Variants in UGP2 observed in about 807,000 individuals in gnomAD.
UGP2 encodes the protein UDP-glucose pyrophosphorylase 2.
A neutral mutation model predicts 49.0 loss-of-function variants in UGP2; 40 were observed. The ratio of observed to expected loss-of-function variants is 0.82; its 90% CI spans 0.63 to 1.06. The LOEUF (loss-of-function observed/expected upper bound fraction) is 1.06. UGP2 is among the 50% of genes least tolerant of loss of function. The pLI is 0.00. For missense variants in UGP2, 460 were observed against 603.5 expected (o/e 0.76, Z 2.49); for synonymous variants, 225 against 213.0 (o/e 1.06, Z -0.49).
rs1672153175 is a variant in UGP2, at chr2:63,891,414, T to C, written c.*187T>C. On this transcript the variant is annotated 3_prime_UTR_variant, in exon 10 of 10. Transcript: ENST00000337130. ...ACAGATGGAGCAATACTTTCCTTCT[T>C]TGAAGAGAATCCCAAAAGTTAGTTC... 4 of 405,988 alleles carry C rather than the reference T, an allele frequency of 9.9e-6. No homozygotes were observed. Among genetic ancestry groups the C allele is most frequent in the Non-Finnish European group, 1.7e-5 (4 of 232,898 alleles). The allele number at this position is 405,988 out of a possible 1,614,324, so 25.1% of individuals were successfully genotyped here.
At chr2:63,870,520 A>G (rs1670479283) in intron 3 of UGP2, among the ~76,000 whole-genome samples, 1 of 152,210 alleles carries the variant, frequency 6.6e-6, no homozygotes, top group Non-Finnish European at 1.5e-5. Flanking sequence ...ACGTCTATTG[A>G]TCCAGTATTT....
intron 3 of UGP2, among the ~76,000 whole-genome samples, chr2:63,876,959 T>C (rs1670945807): frequency 1.3e-5 from 2 of 152,270 alleles, no homozygotes; most frequent in Admixed American, 6.5e-5. Context: ...ATATTTAGTA[T>C]ACCTTTTGGC....
chr2:63,842,016 TC>T lies in UGP2; in HGVS notation c.-169del. On this transcript the variant is annotated 5_prime_UTR_variant, in exon 1 of 10. Coordinates refer to ENST00000337130, the MANE Select transcript of UGP2 (RefSeq NM_006759.4). ...GAGTTTCTTTCTTTCTTTTCTTTTTTCTTGAGCCAGTTTTAATCGCTTTGAA... is the reference window on the plus strand; with the variant it reads ...GAGTTTCTTTCTTTCTTTTCTTTTTTTTGAGCCAGTTTTAATCGCTTTGAA... The T allele has an allele frequency of 1.3e-6, 1 of 742,200 alleles. No individual in the cohort carries two copies. The highest frequency in any genetic ancestry group is 1.9e-6 in the Non-Finnish European group (1 of 514,762). 46.0% of individuals were successfully genotyped at this position (742,200 alleles called of 1,614,324 possible).
intron 1 of UGP2, among the ~76,000 whole-genome samples, chr2:63,853,740 CA>C (rs1424324502): frequency 6.6e-6 from 1 of 152,114 alleles, no homozygotes; most frequent in African/African-American, 2.4e-5. Flanking sequence ...AATTAAGAAA[CA>C]AAAATATTCA....
chr2:63,890,276 C>CAAGA, intron 9 of UGP2, 91 bp downstream of exon 9: 1 of 930,306 alleles, frequency 1.1e-6, no homozygotes, highest in East Asian at 2.7e-5. Context: ...TTAAGGAATA[C>CAAGA]TTGTTAGTCT....
chr2:63,859,960 A>G (rs1669720620), intron 3 of UGP2, among the ~76,000 whole-genome samples: 1 of 152,218 alleles, frequency 6.6e-6, no homozygotes, highest in South Asian at 2.1e-4. Flanking sequence ...TAGTTCTGAG[A>G]ATACAAATCT....
At chr2:63,888,876 A>C (rs1671875526) in intron 8 of UGP2, 1 of 152,278 alleles carries the variant, frequency 6.6e-6, no homozygotes. Flanking sequence ...TAGCCTGATA[A>C]GTGAAATCCA....
At chr2:63,858,005 G>A in intron 3 of UGP2, 69 bp downstream of exon 3, 1 of 1,368,770 alleles carries the variant, frequency 7.3e-7, no homozygotes, top group Non-Finnish European at 1.0e-6. Flanking sequence ...TAGGACGGTT[G>A]GGTAGTGTAG....
intron 3 of UGP2, among the ~76,000 whole-genome samples, chr2:63,868,187 A>G (rs1670302889): frequency 6.6e-6 from 1 of 152,170 alleles, no homozygotes; most frequent in Admixed American, 6.5e-5. Context: ...CCGTTTTCAT[A>G]TTGTATGGAG....
chr2:63,884,062 CGT>C lies in UGP2; in HGVS notation c.548_549del (p.Val183GlufsTer14). ...AATACTACAGAAGTACAATCATTGT[CGT>C]GTGAAAATCTACACTTTCAATCAAA... ...KKILQKYNHC[R>X]VKIYTFNQSR... On this transcript the variant is annotated frameshift_variant, in exon 5 of 10. Transcript: ENST00000337130. LOFTEE classifies it high-confidence loss of function. 1 of 1,612,362 alleles carries C rather than the reference CGT, an allele frequency of 6.2e-7. No homozygotes were observed.
chr2:63,842,339 G>C, intron 1 of UGP2, 135 bp downstream of exon 1: 1 of 1,603,512 alleles, frequency 6.2e-7, no homozygotes, highest in Non-Finnish European at 8.5e-7. Flanking sequence ...TCGTTGAATT[G>C]TCATCTGAGC....
intron 3 of UGP2, among the ~76,000 whole-genome samples, chr2:63,867,572 T>A (rs2104310561): frequency 6.6e-6 from 1 of 152,324 alleles, no homozygotes; most frequent in Admixed American, 6.5e-5. Context: ...GGTATTATGC[T>A]GGGCACAGTA....
At chr2:63,858,442 A>G (rs1293807875) in intron 3 of UGP2, among the ~76,000 whole-genome samples, 1 of 152,046 alleles carries the variant, frequency 6.6e-6, no homozygotes, top group Non-Finnish European at 1.5e-5. Context: ...TATAGTTCCT[A>G]GTTAGAGGTA....
chr2:63,889,810 T>TTATC (rs1575863099), intron 8 of UGP2: 1 of 266,028 alleles, frequency 3.8e-6, no homozygotes, highest in East Asian at 8.5e-5. Flanking sequence ...GGCATGTTGA[T>TTATC]TATCTTTAAA....
chr2:63,869,816 A>T (rs192298544), intron 3 of UGP2, among the ~76,000 whole-genome samples: 4 of 152,124 alleles, frequency 2.6e-5, no homozygotes, highest in African/African-American at 9.7e-5. Context: ...AAATGTTACA[A>T]ATTTTTGCCT....
intron 3 of UGP2, among the ~76,000 whole-genome samples, chr2:63,869,983 C>T (rs938316895): frequency 2.1e-5 from 3 of 146,132 alleles, no homozygotes; most frequent in Non-Finnish European, 3.0e-5. Flanking sequence ...AGTGCAGTGG[C>T]GCAATCTCGG....
intron 1 of UGP2, among the ~76,000 whole-genome samples, chr2:63,853,856 T>G (rs1020666217): frequency 2.0e-5 from 3 of 152,244 alleles, no homozygotes; most frequent in South Asian, 2.1e-4. Flanking sequence ...ATTAGGAAAC[T>G]GGGGGAAAGG....
rs1464127761 is a variant in UGP2, at chr2:63,842,300, C to A, written c.19+96C>A. 1.9e-6 allele frequency: 3 copies of A among 1,607,368 alleles called. No homozygotes were observed. The South Asian group carries it at 3.3e-5, about 18-fold the overall frequency. ...TGGGTGGTTTGGAAGTGGAAATGTT[C>A]ATTTGAGATAACATTTGCGAAACCC... is the stretch of plus-strand genomic sequence containing the variant. On this transcript the variant is annotated intron_variant, in intron 1 of 9. Transcript: ENST00000337130.
chr2:63,876,601 A>G (rs1337553187), intron 3 of UGP2, among the ~76,000 whole-genome samples: 1 of 152,250 alleles, frequency 6.6e-6, no homozygotes, highest in African/African-American at 2.4e-5. Context: ...ATAGCAAGAC[A>G]AGAAGGTATT....
Sources: allele counts gnomAD v4.1 joint callset (sites outside exome capture counted in the v4.1 genomes callset), GRCh38; gene constraint gnomAD v4.1.1; transcripts MANE v1.5; gene names NCBI Gene and HGNC (gene_info 2026-07-23, HGNC 2026-07-21).